GLI3: variants seen among roughly 807,000 people sequenced by gnomAD.
GLI3 encodes transcription activator GLI3.
GLI3 carries 20 observed loss-of-function variants against 100.8 expected under a neutral mutation model. The ratio of observed to expected loss-of-function variants is 0.20; its 90% CI spans 0.14 to 0.29. The LOEUF (loss-of-function observed/expected upper bound fraction) is 0.29. Among genes scored for constraint, GLI3 ranks in the 10% least tolerant of loss-of-function variants. The probability of loss-of-function intolerance (pLI) is 1.00; values close to 1 mark genes in which losing one functional copy is unlikely to be tolerated. For missense variants in GLI3, 2,040 were observed against 2,128.5 expected, an observed-to-expected ratio of 0.96 and a Z score of 0.82; for synonymous variants, 938 against 860.5, an observed-to-expected ratio of 1.09 and a Z score of -1.58.
chr7:42,170,397 C>CTTTTTTTTTTT (rs1185274818), intron 2 of GLI3, among the ~76,000 whole-genome samples: 1 of 81,064 alleles, frequency 1.2e-5, no homozygotes, highest in Non-Finnish European at 2.3e-5. Context: ...ACTTACTGAT[C>CTTTTTTTTTTT]TTTTTTTTTT....
At chr7:42,133,927 C>T (rs931032723) in intron 3 of GLI3, among the ~76,000 whole-genome samples, 2 of 151,890 alleles carry the variant, frequency 1.3e-5, no homozygotes, top group East Asian at 3.9e-4. Flanking sequence ...ACTATAAATA[C>T]AAAAATTAGC....
chr7:42,118,555 G>A (rs1320802626), intron 3 of GLI3, among the ~76,000 whole-genome samples: 3 of 152,106 alleles, frequency 2.0e-5, no homozygotes, highest in African/African-American at 7.2e-5. Flanking sequence ...TGGGGCCCAG[G>A]GGGCCATAGT....
intron 2 of GLI3, among the ~76,000 whole-genome samples, chr7:42,184,147 G>A (rs1031778977): frequency 1.3e-5 from 2 of 152,216 alleles, no homozygotes; most frequent in African/African-American, 2.4e-5. Flanking sequence ...GCCCTCTCTA[G>A]AACGCTCCCC....
chr7:42,184,077 C>G (rs572374235), intron 2 of GLI3, among the ~76,000 whole-genome samples: 141 of 152,334 alleles, frequency 9.3e-4, no homozygotes, highest in African/African-American at 3.3e-3. Flanking sequence ...GGATTAGATG[C>G]GTCACTCATG....
chr7:42,043,277 T>A (rs1040489596), intron 6 of GLI3, among the ~76,000 whole-genome samples: 1 of 152,370 alleles, frequency 6.6e-6, no homozygotes, highest in African/African-American at 2.4e-5. Flanking sequence ...TCAATTACTT[T>A]AGAGGAAAAG....
At chr7:42,017,491 C>T (rs1487129624) in intron 10 of GLI3, among the ~76,000 whole-genome samples, 1 of 152,130 alleles carries the variant, frequency 6.6e-6, no homozygotes, top group Non-Finnish European at 1.5e-5. Context: ...CCACTCCCAG[C>T]CCACCCCAAA....
chr7:42,223,240 G>A lies in GLI3; in HGVS notation c.14C>T (p.Ser5Phe), dbSNP rs951372592. Reference sequence around the variant, plus strand: ...CTTTTCAGTGGTCGTGGAGCTGTGGGACTGGGCCTCCATGATGTCTTCTCA... The same window carrying A: ...CTTTTCAGTGGTCGTGGAGCTGTGGAACTGGGCCTCCATGATGTCTTCTCA... MEAQ[S>F]HSSTTTEKKK... Residue 5 changes from serine (S) to phenylalanine (F), a missense_variant, in exon 2 of 15, where the codon TCC becomes TTC. Transcript: ENST00000395925. 1.9e-6 allele frequency: 3 copies of A among 1,613,120 alleles called. No individual in the cohort carries two copies. In the African/African-American group the frequency reaches 4.0e-5, roughly 22 times the overall value.
At chr7:42,103,346 G>C (rs1398436662) in intron 3 of GLI3, among the ~76,000 whole-genome samples, 3 of 152,142 alleles carry the variant, frequency 2.0e-5, no homozygotes, top group Admixed American at 6.5e-5. Context: ...CCTGAGGGCA[G>C]GAGTATCAAA....
chr7:42,025,421 CA>C, intron 8 of GLI3, 44 bp from the exon 9 acceptor site: 1 of 1,393,104 alleles, frequency 7.2e-7, no homozygotes, highest in Non-Finnish European at 1.0e-6. Context: ...AGATTTTCAT[CA>C]ACAAGGAGCA....
At chr7:42,087,005 C>T (rs3779144) in intron 3 of GLI3, among the ~76,000 whole-genome samples, 97,773 of 152,012 alleles carry the variant, frequency 0.64, 32,060 homozygotes, top group Middle Eastern at 0.74. Context: ...CAGGTCAGAA[C>T]TGTCTTCTTT....
At chr7:42,102,059 C>T (rs1257146632) in intron 3 of GLI3, among the ~76,000 whole-genome samples, 2 of 151,698 alleles carry the variant, frequency 1.3e-5, no homozygotes, top group Non-Finnish European at 2.9e-5. Flanking sequence ...TGTATATGTG[C>T]CACATTTTCT....
At chr7:42,091,674 C>T (rs547870455) in intron 3 of GLI3, among the ~76,000 whole-genome samples, 4 of 152,350 alleles carry the variant, frequency 2.6e-5, no homozygotes, top group Non-Finnish European at 4.4e-5. Context: ...CTTCTCCCCT[C>T]GTGGCTGCTA....
rs534187076 is a variant in GLI3, at chr7:42,193,107, A to T, written c.124+30023T>A. Among the ~76,000 whole-genome samples the T allele has an allele frequency of 5.9e-5, 9 of 152,320 alleles. No homozygotes were observed. The South Asian group carries it at 1.9e-3, about 32-fold the overall frequency. ...TTTTGACTCAGCTCCAGAGTTTTTA[A>T]ATATTATGTTTCTAAATAAAGTAAA... On this transcript the variant is annotated intron_variant, in intron 2 of 14. Coordinates refer to ENST00000395925, the MANE Select transcript of GLI3 (RefSeq NM_000168.6).
At chr7:42,192,863 A>G (rs914164511) in intron 2 of GLI3, among the ~76,000 whole-genome samples, 4 of 152,180 alleles carry the variant, frequency 2.6e-5, no homozygotes, top group Admixed American at 2.6e-4. Flanking sequence ...GCACCAAATT[A>G]TCTAGCATCT....
rs1447772461 is a variant in GLI3 at position 42,048,601 on chromosome 7, A to C, written c.569T>G (p.Phe190Cys). ...RNPTAASESP[F>C]SPPHPYINPY... ...ATTAATGTAGGGATGTGGAGGGCTG[A>C]AGGGAGACTCGGAAGCAGCAGTGGG... is the stretch of plus-strand genomic sequence containing the variant. Residue 190 changes from phenylalanine to cysteine, a missense_variant, in exon 5 of 15, where the codon TTC becomes TGC. By Grantham distance (205) the Phe-to-Cys change is radical. This residue lies in a region of GLI3 where 603 missense variants were observed against 690.9 expected (regional missense o/e 0.87). Transcript: ENST00000395925. The C allele has an allele frequency of 1.2e-6, 2 of 1,611,766 alleles. No individual in the cohort carries two copies. Among genetic ancestry groups the C allele is most frequent in the Non-Finnish European group, 1.7e-6 (2 of 1,179,150 alleles).
chr7:42,152,728 A>T (rs1786903316), intron 2 of GLI3, among the ~76,000 whole-genome samples: 4 of 152,352 alleles, frequency 2.6e-5, no homozygotes, highest in Middle Eastern at 3.4e-3. Context: ...GTCCCCAAGC[A>T]AGGTCAACAG....
chr7:42,175,256 C>T (rs1202870420), intron 2 of GLI3, among the ~76,000 whole-genome samples: 1 of 152,182 alleles, frequency 6.6e-6, no homozygotes, highest in African/African-American at 2.4e-5. Flanking sequence ...GCTTGCCTTC[C>T]ATCCCTCGGT....
intron 2 of GLI3, among the ~76,000 whole-genome samples, chr7:42,161,321 C>T (rs1787126285): frequency 6.6e-6 from 1 of 152,190 alleles, no homozygotes; most frequent in Non-Finnish European, 1.5e-5. Context: ...CAGGCTCATT[C>T]ATTTTCATGT....
intron 10 of GLI3, among the ~76,000 whole-genome samples, chr7:41,994,394 G>A (rs1654971939): frequency 6.6e-6 from 1 of 152,186 alleles, no homozygotes. Context: ...TGACTAACAT[G>A]TTTGAAGAGT....
Sources: gnomAD v4.1 joint callset for allele counts (sites outside exome capture counted in the v4.1 genomes callset) on GRCh38, gnomAD v4.1.1 for gene constraint, gnomAD v4.1.1 regional missense constraint, MANE v1.5 for transcripts, NCBI Gene and HGNC (gene_info 2026-07-23, HGNC 2026-07-21) for gene names.